The following TRPM1 variants were observed in gnomAD, a reference collection of about 807,000 sequenced individuals.
TRPM1 encodes the protein TRPM1-203 APA Isoform, Intron 10.
In TRPM1, 113 loss-of-function variants were observed where a neutral mutation model predicts 149.4. That is an observed-to-expected ratio of 0.76 (90% CI 0.65 to 0.88). TRPM1 has a LOEUF of 0.88. TRPM1 is among the 40% of genes least tolerant of loss of function. The probability of loss-of-function intolerance (pLI) is 0.00; values close to 1 mark genes in which losing one functional copy is unlikely to be tolerated. For synonymous variants in TRPM1, 741 were observed against 759.5 expected (o/e 0.98, Z 0.40); for missense variants, 1,976 against 2,038.7 (o/e 0.97, Z 0.59).
intron 1 of TRPM1, among the ~76,000 whole-genome samples, chr15:31,144,867 C>T (rs1393969019): frequency 2.0e-5 from 3 of 151,950 alleles, no homozygotes; most frequent in South Asian, 4.2e-4. Context: ...AGGTGACTTC[C>T]ACCACACCGG....
At chr15:31,057,387 G>T (rs1229589011) in intron 11 of TRPM1, among the ~76,000 whole-genome samples, 1 of 152,102 alleles carries the variant, frequency 6.6e-6, no homozygotes, top group Non-Finnish European at 1.5e-5. Context: ...GCCTTTTGGA[G>T]GGAGGAGAGT....
rs777134305 is a variant in TRPM1, at chr15:31,040,350, G to C, written c.2088-4C>G. On this transcript the variant is annotated splice_region_variant and splice_polypyrimidine_tract_variant and intron_variant, in intron 17 of 27. Transcript: ENST00000256552. This position sits in a 1 kb window ranked among gnomAD's most constrained non-coding sequence, Gnocchi z 4.2. ...CAAAGCAAGCTGGCCGAAGTCTCTG[G>C]GGGGAAAGAGAAGGGACCAGGGTGA... 6.2e-7 allele frequency: 1 copy of C among 1,613,902 alleles called. No homozygotes were observed. Among genetic ancestry groups the C allele is most frequent in the Non-Finnish European group, 8.5e-7 (1 of 1,179,790 alleles).
At chr15:31,020,451 C>T (rs972481751) in intron 27 of TRPM1, among the ~76,000 whole-genome samples, 9 of 152,246 alleles carry the variant, frequency 5.9e-5, no homozygotes, top group Non-Finnish European at 1.2e-4. Flanking sequence ...CCCTGCCTTT[C>T]GGCTGTACGG....
chr15:31,015,574 CTT>C (rs373849857), intron 27 of TRPM1, among the ~76,000 whole-genome samples: 49 of 152,290 alleles, frequency 3.2e-4, no homozygotes, highest in African/African-American at 1.1e-3. Flanking sequence ...GCACGTCAAT[CTT>C]TGCTTTAAAA....
rs758264180 is a variant in TRPM1, at chr15:31,002,840, TTGA to T, written c.3857_3859del (p.Ile1286del). On this transcript the variant is annotated inframe_deletion, in exon 28 of 28. Transcript: ENST00000256552. ...ATACAAGCTGTAGCCATCAGCGCTA[TTGA>T]TGCTGCTTTGCCGGAGAAGATACGT... 6 of 1,614,242 alleles carry T rather than the reference TTGA, an allele frequency of 3.7e-6. No individual in the cohort carries two copies. In the South Asian group the frequency reaches 6.6e-5, roughly 18 times the overall value.
intron 3 of TRPM1, among the ~76,000 whole-genome samples, chr15:31,073,171 CTT>C (rs958841350): frequency 4.6e-5 from 7 of 152,112 alleles, no homozygotes; most frequent in African/African-American, 7.2e-5. Context: ...TCCATTTTAA[CTT>C]TTATAGATAG....
intron 1 of TRPM1, among the ~76,000 whole-genome samples, chr15:31,140,539 A>C (rs1376160066): frequency 6.6e-6 from 1 of 152,178 alleles, no homozygotes; most frequent in Non-Finnish European, 1.5e-5. Context: ...AGCTCCTGTG[A>C]GAGTTCCCTC....
At chr15:31,030,255 T>C (rs1324369674) in intron 23 of TRPM1, among the ~76,000 whole-genome samples, 1 of 152,264 alleles carries the variant, frequency 6.6e-6, no homozygotes, top group Non-Finnish European at 1.5e-5. Flanking sequence ...TTATAGCTGA[T>C]GCTTTATGAT....
At position 31,067,859 on chromosome 15, in the gene TRPM1, G is replaced by A; in HGVS notation, c.493+20C>T. 2 of 1,611,314 alleles carry A rather than the reference G, an allele frequency of 1.2e-6. No individual in the cohort carries two copies. The highest frequency in any genetic ancestry group is 2.2e-5 in the East Asian group (1 of 44,880). On this transcript the variant is annotated intron_variant, in intron 5 of 27. Coordinates refer to ENST00000256552, the MANE Select transcript of TRPM1 (RefSeq NM_001252024.2). ...CTGGGTGGTACATTGATTATCGGGAGGGAAAGGGCCTGCTCTTACCTGTGC... is the reference window on the plus strand; with the variant it reads ...CTGGGTGGTACATTGATTATCGGGAAGGAAAGGGCCTGCTCTTACCTGTGC...
chr15:31,026,115 C>T, intron 27 of TRPM1, 24 bp downstream of exon 27: 2 of 1,608,952 alleles, frequency 1.2e-6, no homozygotes, highest in Non-Finnish European at 1.7e-6. Flanking sequence ...GCTCACGGGC[C>T]CGCGGTGGGG....
intron 11 of TRPM1, among the ~76,000 whole-genome samples, chr15:31,050,808 T>C (rs1474861260): frequency 6.6e-6 from 1 of 152,198 alleles, no homozygotes; most frequent in Non-Finnish European, 1.5e-5. Flanking sequence ...CAGGCCTGGC[T>C]GTCTGAAGAA....
At chr15:31,148,817 C>G (rs1349993218) in intron 1 of TRPM1, among the ~76,000 whole-genome samples, 8 of 152,178 alleles carry the variant, frequency 5.3e-5, no homozygotes, top group African/African-American at 1.4e-4. Flanking sequence ...AGACACCACC[C>G]CAGGGTAGCC....
intron 15 of TRPM1, among the ~76,000 whole-genome samples, chr15:31,046,758 G>A (rs531136677): frequency 2.0e-5 from 3 of 152,308 alleles, no homozygotes; most frequent in African/African-American, 7.2e-5. Context: ...AGGAGCTCTG[G>A]GAGGCTTGAA....
chr15:31,076,953 C>T lies in TRPM1; in HGVS notation c.35G>A (p.Cys12Tyr). ...AATTACAAAGATACATTCCCGTTTG[C>T]AAAAGGTTTTCTCTATCCAAGATTT... ...GQKSWIEKTFCKRECIFVIPS... is the reference protein window; with the variant it reads ...GQKSWIEKTFYKRECIFVIPS... Residue 12 changes from cysteine (C) to tyrosine (Y), a missense_variant, in exon 3 of 28, where the codon TGC (cysteine) becomes TAC (tyrosine). This residue lies in a region of TRPM1 where 1,332 missense variants were observed against 1,347.1 expected (regional missense o/e 0.99). Coordinates refer to ENST00000256552, the MANE Select transcript of TRPM1 (RefSeq NM_001252024.2). 6.2e-7 allele frequency: 1 copy of T among 1,612,700 alleles called. No individual in the cohort carries two copies.
intron 25 of TRPM1, among the ~76,000 whole-genome samples, chr15:31,027,407 A>G (rs1005276523): frequency 1.3e-5 from 2 of 152,244 alleles, no homozygotes; most frequent in Admixed American, 6.5e-5. Context: ...TTAATTTCCT[A>G]TGTGTAGCGG....
chr15:31,097,412 G>A (rs1036666859), intron 1 of TRPM1, among the ~76,000 whole-genome samples: 1 of 152,172 alleles, frequency 6.6e-6, no homozygotes. Context: ...GTACTGGCTT[G>A]CCTCTCAGAG....
intron 11 of TRPM1, among the ~76,000 whole-genome samples, chr15:31,057,066 G>A (rs978178285): frequency 1.3e-5 from 2 of 152,214 alleles, no homozygotes; most frequent in Non-Finnish European, 2.9e-5. Context: ...AGAGTGCAAC[G>A]AAGGGATGTC....
chr15:31,010,128 A>C (rs137915955), intron 27 of TRPM1, among the ~76,000 whole-genome samples: 63 of 152,320 alleles, frequency 4.1e-4, no homozygotes, highest in African/African-American at 1.5e-3. Context: ...TGAATATTAT[A>C]CCACATGACT....
At chr15:31,005,362 A>C (rs2031951404) in intron 27 of TRPM1, among the ~76,000 whole-genome samples, 1 of 152,160 alleles carries the variant, frequency 6.6e-6, no homozygotes, top group African/African-American at 2.4e-5. Context: ...TACCTAATTC[A>C]GATAACAGCA....
Sources: gnomAD v4.1 joint callset for allele counts (sites outside exome capture counted in the v4.1 genomes callset) on GRCh38, gnomAD v4.1.1 for gene constraint, gnomAD v4.1.1 regional missense constraint, Gnocchi (gnomAD v3.1) non-coding constraint, MANE v1.5 for transcripts, NCBI Gene and HGNC (gene_info 2026-07-23, HGNC 2026-07-21) for gene names.